SLC1A3: variants seen among roughly 807,000 people sequenced by gnomAD.
SLC1A3 encodes solute carrier family 1 member 3, also known as excitatory amino acid transporter 1.
A neutral mutation model predicts 48.1 loss-of-function variants in SLC1A3; 21 were observed. The ratio of observed to expected loss-of-function variants is 0.44; its 90% CI spans 0.31 to 0.63. The LOEUF is 0.63. SLC1A3 is among the 20% of genes least tolerant of loss of function. The pLI is 0.08. For missense variants in SLC1A3, 546 were observed against 689.0 expected (o/e 0.79, Z 2.32); for synonymous variants, 239 against 251.4 (o/e 0.95, Z 0.47).
intron 1 of SLC1A3, among the ~76,000 whole-genome samples, chr5:36,600,076 A>T (rs1738791670): frequency 6.6e-6 from 1 of 152,122 alleles, no homozygotes; most frequent in Non-Finnish European, 1.5e-5. Context: ...TGGGAATTTC[A>T]TTCTTAGAAT....
chr5:36,682,342 T>C lies in SLC1A3; in HGVS notation c.1290-1522T>C, dbSNP rs548408483. On this transcript the variant is annotated intron_variant, in intron 8 of 9. Coordinates refer to ENST00000265113, the MANE Select transcript of SLC1A3 (RefSeq NM_004172.5). ...TGTTAGTAGAAAATGATAATAGTTG[T>C]AGTAGGATGCATCGGAGTAAAAAGG... Among the ~76,000 whole-genome samples the C allele has an allele frequency of 5.9e-5, 9 of 152,262 alleles. No individual in the cohort carries two copies. The South Asian group carries it at 1.9e-3, about 32-fold the overall frequency.
intron 9 of SLC1A3, among the ~76,000 whole-genome samples, chr5:36,685,821 G>A (rs375379495): frequency 2.8e-4 from 42 of 152,336 alleles, no homozygotes; most frequent in African/African-American, 8.2e-4. Context: ...GAGAAGGCTC[G>A]TTCCCCACTG....
chr5:36,666,236 T>G (rs1741741479), intron 3 of SLC1A3: 1 of 152,156 alleles, frequency 6.6e-6, no homozygotes, highest in African/African-American at 2.4e-5. Context: ...TTGATTTTCT[T>G]ATTAAAAAAA....
intron 8 of SLC1A3, 29 bp from the exon 9 acceptor site, chr5:36,683,835 G>T: frequency 6.2e-7 from 1 of 1,614,126 alleles, no homozygotes. Context: ...TTGTAAAAGT[G>T]TTTTCTGTTC....
intron 1 of SLC1A3, among the ~76,000 whole-genome samples, chr5:36,597,658 C>T (rs1738760549): frequency 6.6e-6 from 1 of 152,132 alleles, no homozygotes; most frequent in Non-Finnish European, 1.5e-5. Flanking sequence ...GAACTCTCTC[C>T]TCAGTCTTTT....
At chr5:36,660,774 G>A (rs1741479112) in intron 3 of SLC1A3, among the ~76,000 whole-genome samples, 1 of 152,202 alleles carries the variant, frequency 6.6e-6, no homozygotes, top group Non-Finnish European at 1.5e-5. Context: ...AACAACCAAT[G>A]AGCTTTTAAA....
chr5:36,655,120 G>A (rs1251049338), intron 3 of SLC1A3, among the ~76,000 whole-genome samples: 1 of 152,148 alleles, frequency 6.6e-6, no homozygotes, highest in Non-Finnish European at 1.5e-5. Context: ...GTGAGCTCAC[G>A]GGGAATCATG....
intron 3 of SLC1A3, among the ~76,000 whole-genome samples, chr5:36,665,179 T>C (rs1741688157): frequency 6.6e-6 from 1 of 150,810 alleles, no homozygotes; most frequent in African/African-American, 2.4e-5. Context: ...AAAGCAACTT[T>C]AGAATTTGTA....
chr5:36,667,843 A>G (rs1236691141), intron 3 of SLC1A3: 3 of 152,230 alleles, frequency 2.0e-5, no homozygotes, highest in African/African-American at 7.2e-5. Flanking sequence ...GGTTGTTTTC[A>G]TAATAAAGAT....
intron 1 of SLC1A3, chr5:36,607,103 C>A (rs1202020441): frequency 6.6e-6 from 1 of 152,132 alleles, no homozygotes; most frequent in Non-Finnish European, 1.5e-5. Flanking sequence ...AGCATTTAAT[C>A]CAGTGTGAAG....
chr5:36,600,643 A>G (rs1358663173), intron 1 of SLC1A3, among the ~76,000 whole-genome samples: 3 of 152,212 alleles, frequency 2.0e-5, no homozygotes, highest in Non-Finnish European at 2.9e-5. Flanking sequence ...CTATGACTCA[A>G]AAATGAACTG....
chr5:36,639,264 G>T (rs952846096), intron 3 of SLC1A3, among the ~76,000 whole-genome samples: 7 of 152,136 alleles, frequency 4.6e-5, no homozygotes, highest in African/African-American at 1.7e-4. Context: ...CTACCTCATT[G>T]GATTGTTGTG....
In SLC1A3 at chr5:36,674,076, A is replaced by G. The variant is rs748275359; in HGVS notation, c.552A>G (p.Glu184=). The change falls in exon 5 of 10, where the codon GAA becomes GAG. Residue 184 remains glutamate, a synonymous_variant. Coordinates refer to ENST00000265113, the MANE Select transcript of SLC1A3 (RefSeq NM_004172.5). ...IRNMFPPNLV[E]ACFKQFKTNY... is the part of the protein sequence containing the mutation. ...ACATGTTCCCTCCAAATCTGGTAGAAGCCTGCTTTAAACAGGTAAACACTC... is the reference window on the plus strand; with the variant it reads ...ACATGTTCCCTCCAAATCTGGTAGAGGCCTGCTTTAAACAGGTAAACACTC... 69 of 1,613,258 alleles carry G rather than the reference A, an allele frequency of 4.3e-5. 1 individual carries two copies. The highest frequency in any genetic ancestry group is 2.5e-4 in the East Asian group (11 of 44,874).
intron 9 of SLC1A3, 46 bp downstream of exon 9, chr5:36,684,044 C>T (rs1742546977): frequency 6.2e-7 from 1 of 1,612,692 alleles, no homozygotes. Context: ...ACAGGGTCCC[C>T]CTCTGTCACT....
At chr5:36,667,756 G>C (rs1160641198) in intron 3 of SLC1A3, 2 of 152,188 alleles carry the variant, frequency 1.3e-5, no homozygotes, top group Non-Finnish European at 2.9e-5. Context: ...GTAAGTGAAA[G>C]AGCCATCATG....
chr5:36,662,230 G>A (rs1741543130), intron 3 of SLC1A3, among the ~76,000 whole-genome samples: 1 of 152,176 alleles, frequency 6.6e-6, no homozygotes, highest in Admixed American at 6.5e-5. Flanking sequence ...GGCATCATGG[G>A]GAGACAGGGC....
At chr5:36,612,069 G>GCACA (rs528207853) in intron 2 of SLC1A3, among the ~76,000 whole-genome samples, 3 of 143,150 alleles carry the variant, frequency 2.1e-5, no homozygotes, top group Middle Eastern at 3.3e-3. Flanking sequence ...TGGCGCACGC[G>GCACA]CACACACACA....
At chr5:36,605,620 C>G (rs1738902056), upstream of SLC1A3, among the ~76,000 whole-genome samples, 1 of 152,166 alleles carries the variant, frequency 6.6e-6, no homozygotes, top group African/African-American at 2.4e-5. Flanking sequence ...ATCCAAACCT[C>G]AGGCTGTGAT....
chr5:36,619,263 G>A (rs1304930210), intron 2 of SLC1A3, among the ~76,000 whole-genome samples: 1 of 152,346 alleles, frequency 6.6e-6, no homozygotes, highest in East Asian at 1.9e-4. Flanking sequence ...ACGCCTGAAA[G>A]TTTGACAGAA....
Sources: allele counts gnomAD v4.1 joint callset (sites outside exome capture counted in the v4.1 genomes callset), GRCh38; gene constraint gnomAD v4.1.1; transcripts MANE v1.5; gene names NCBI Gene and HGNC (gene_info 2026-07-23, HGNC 2026-07-21).